The following ABTB3 variants were observed in gnomAD, a reference collection of about 807,000 sequenced individuals.
The protein encoded by ABTB3 is ankyrin repeat- and BTB/POZ domain-containing protein 3.
the ABTB3 span, among the ~76,000 whole-genome samples, chr12:107,588,866 C>G: frequency 6.6e-6 from 1 of 152,086 alleles, no homozygotes; most frequent in Non-Finnish European, 1.5e-5. Context: ...GTGAGAGAGT[C>G]CTTATCAGGC....
At chr12:107,615,049 A>G in the ABTB3 span, 10 of 1,603,952 alleles carry the variant, frequency 6.2e-6, no homozygotes, top group Non-Finnish European at 7.7e-6. Context: ...AATAACTTCA[A>G]TTTGTTTATA....
the ABTB3 span, among the ~76,000 whole-genome samples, chr12:107,348,088 A>G: frequency 6.6e-6 from 1 of 152,024 alleles, no homozygotes. Flanking sequence ...TGCAGGTGGG[A>G]AGGCGTGGTG....
chr12:107,544,416 A>G, the ABTB3 span, among the ~76,000 whole-genome samples: 1 of 152,146 alleles, frequency 6.6e-6, no homozygotes, highest in East Asian at 1.9e-4. Flanking sequence ...CTCTGCAGTG[A>G]TGGGTGGTGT....
chr12:107,353,896 C>T, the ABTB3 span, among the ~76,000 whole-genome samples: 2 of 152,094 alleles, frequency 1.3e-5, no homozygotes, highest in African/African-American at 4.8e-5. Context: ...TCCCCCACCT[C>T]CCCTCGTCCA....
chr12:107,538,533 G>T, the ABTB3 span, among the ~76,000 whole-genome samples: 7 of 152,296 alleles, frequency 4.6e-5, no homozygotes, highest in African/African-American at 1.7e-4. Flanking sequence ...GCAGCTCTTT[G>T]AGCTCTGCCA....
chr12:107,338,012 C>G, the ABTB3 span, among the ~76,000 whole-genome samples: 1 of 152,184 alleles, frequency 6.6e-6, no homozygotes, highest in Non-Finnish European at 1.5e-5. Flanking sequence ...AAAGGACATG[C>G]CACTGTCAGT....
the ABTB3 span, among the ~76,000 whole-genome samples, chr12:107,461,329 C>T: frequency 6.6e-6 from 1 of 152,252 alleles, no homozygotes; most frequent in Admixed American, 6.5e-5. Context: ...TCCAGTATGA[C>T]TGGCATCCTT....
At chr12:107,351,447 T>C in the ABTB3 span, among the ~76,000 whole-genome samples, 1 of 152,224 alleles carries the variant, frequency 6.6e-6, no homozygotes, top group Non-Finnish European at 1.5e-5. Flanking sequence ...AGGAATGGCC[T>C]GGCTTCTAAT....
At chr12:107,598,325 G>A in the ABTB3 span, among the ~76,000 whole-genome samples, 1 of 152,212 alleles carries the variant, frequency 6.6e-6, no homozygotes. Context: ...GCTTTCACAA[G>A]CCAGCAAGAT....
At chr12:107,442,270 A>G in the ABTB3 span, among the ~76,000 whole-genome samples, 1 of 152,142 alleles carries the variant, frequency 6.6e-6, no homozygotes, top group South Asian at 2.1e-4. Flanking sequence ...ATTAAGCAAG[A>G]AGTTTTCAGA....
the ABTB3 span, among the ~76,000 whole-genome samples, chr12:107,539,615 G>A: frequency 6.6e-6 from 1 of 152,150 alleles, no homozygotes; most frequent in African/African-American, 2.4e-5. Context: ...CAGAATGCTG[G>A]CAGGACTACC....
At chr12:107,459,751 G>A in the ABTB3 span, among the ~76,000 whole-genome samples, 534 of 152,356 alleles carry the variant, frequency 3.5e-3, 3 homozygotes, top group African/African-American at 0.012. Context: ...TTTCTTCTGA[G>A]TGAAGCCAGG....
the ABTB3 span, among the ~76,000 whole-genome samples, chr12:107,516,501 G>C: frequency 7.7e-3 from 1,167 of 152,066 alleles, 11 homozygotes; most frequent in Non-Finnish European, 0.013. Context: ...CAAAGTGCTG[G>C]GATTACAGGC....
the ABTB3 span, among the ~76,000 whole-genome samples, chr12:107,556,855 T>C: frequency 2.6e-5 from 4 of 151,776 alleles, no homozygotes; most frequent in Admixed American, 1.3e-4. Flanking sequence ...CTACTAAAAA[T>C]ACAAAAATTA....
chr12:107,404,772 G>T, the ABTB3 span, among the ~76,000 whole-genome samples: 1 of 152,092 alleles, frequency 6.6e-6, no homozygotes, highest in African/African-American at 2.4e-5. Context: ...CTCTTCCCTG[G>T]CTGAGGCGGC....
At chr12:107,633,186 G>A in the ABTB3 span, among the ~76,000 whole-genome samples, 11 of 152,132 alleles carry the variant, frequency 7.2e-5, no homozygotes, top group Non-Finnish European at 1.5e-5. Context: ...TGGTGTCTTT[G>A]GGAGGTGAGT....
At chr12:107,399,449 G>C in the ABTB3 span, among the ~76,000 whole-genome samples, 3 of 152,050 alleles carry the variant, frequency 2.0e-5, no homozygotes, top group Non-Finnish European at 2.9e-5. Flanking sequence ...TTGAACACCA[G>C]ACTCATACTC....
chr12:107,618,680 G>C, the ABTB3 span, among the ~76,000 whole-genome samples: 3 of 152,150 alleles, frequency 2.0e-5, no homozygotes, highest in African/African-American at 7.2e-5. Context: ...AAATCACCTG[G>C]GGAGCTTGTC....
the ABTB3 span, among the ~76,000 whole-genome samples, chr12:107,616,680 G>C: frequency 6.6e-6 from 1 of 152,240 alleles, no homozygotes; most frequent in Non-Finnish European, 1.5e-5. Context: ...TGCCCTCTGA[G>C]GCTTTGTGTA....
Sources: allele counts gnomAD v4.1 joint callset (sites outside exome capture counted in the v4.1 genomes callset), GRCh38; gene constraint gnomAD v4.1.1; transcripts MANE v1.5; gene names NCBI Gene and HGNC (gene_info 2026-07-23, HGNC 2026-07-21).